GPR158: variants seen among roughly 807,000 people sequenced by gnomAD.
The protein encoded by GPR158 is metabotropic glycine receptor.
GPR158 carries 30 observed loss-of-function variants against 78.2 expected under a neutral mutation model. That is an observed-to-expected ratio of 0.38 (90% confidence interval 0.29 to 0.52). The LOEUF (loss-of-function observed/expected upper bound fraction) is 0.52. GPR158 is among the 20% of genes least tolerant of loss of function. The probability of loss-of-function intolerance (pLI) is 0.83; values close to 1 mark genes in which losing one functional copy is unlikely to be tolerated. For synonymous variants in GPR158, 581 were observed against 591.1 expected (o/e 0.98, Z 0.25); for missense variants, 1,463 against 1,523.5 (o/e 0.96, Z 0.66).
intron 1 of GPR158, among the ~76,000 whole-genome samples, chr10:25,191,133 T>C (rs1355015527): frequency 6.6e-6 from 1 of 152,180 alleles, no homozygotes; most frequent in African/African-American, 2.4e-5. Context: ...AAATAACAAA[T>C]GATATTGAGG....
intron 5 of GPR158, among the ~76,000 whole-genome samples, chr10:25,540,227 T>G (rs1251459151): frequency 3.3e-5 from 5 of 152,046 alleles, no homozygotes; most frequent in African/African-American, 7.3e-5. Context: ...GAAATGCAAA[T>G]CAAAACCACA....
chr10:25,389,367 G>T (rs1227430410), intron 2 of GPR158, among the ~76,000 whole-genome samples: 1 of 152,146 alleles, frequency 6.6e-6, no homozygotes, highest in Non-Finnish European at 1.5e-5. Context: ...ACATCCATTT[G>T]CAGAAAGAAA....
At chr10:25,510,434 C>A (rs1012188365) in intron 5 of GPR158, among the ~76,000 whole-genome samples, 14 of 152,060 alleles carry the variant, frequency 9.2e-5, no homozygotes, top group African/African-American at 3.1e-4. Context: ...TAGCATGATA[C>A]GTAAATGAGT....
intron 4 of GPR158, among the ~76,000 whole-genome samples, chr10:25,433,176 T>C (rs916496701): frequency 2.0e-5 from 3 of 152,344 alleles, no homozygotes; most frequent in South Asian, 2.1e-4. Flanking sequence ...CAGCCCATCA[T>C]ACCTGTTAAC....
At chr10:25,462,414 A>G (rs1242902577) in intron 4 of GPR158, among the ~76,000 whole-genome samples, 2 of 152,236 alleles carry the variant, frequency 1.3e-5, no homozygotes, top group Non-Finnish European at 2.9e-5. Flanking sequence ...TTTCATGCCC[A>G]CTAACACAGC....
intron 5 of GPR158, among the ~76,000 whole-genome samples, chr10:25,487,862 A>G (rs1314833657): frequency 6.6e-6 from 1 of 152,172 alleles, no homozygotes; most frequent in Non-Finnish European, 1.5e-5. Context: ...AGGAAGCTGT[A>G]TACTCCATGA....
At chr10:25,323,183 A>G (rs989292038) in intron 2 of GPR158, among the ~76,000 whole-genome samples, 3 of 152,178 alleles carry the variant, frequency 2.0e-5, no homozygotes, top group African/African-American at 4.8e-5. Flanking sequence ...TAAAATATTC[A>G]GTAAGCCATG....
At chr10:25,419,750 A>G (rs1166747238) in intron 4 of GPR158, among the ~76,000 whole-genome samples, 1 of 152,038 alleles carries the variant, frequency 6.6e-6, no homozygotes, top group Non-Finnish European at 1.5e-5. Context: ...CCATTTTCCT[A>G]ATGATTAGTG....
chr10:25,312,107 G>T (rs994033857), intron 2 of GPR158, among the ~76,000 whole-genome samples: 3 of 151,912 alleles, frequency 2.0e-5, no homozygotes, highest in Non-Finnish European at 4.4e-5. Context: ...GAAAGTTGTG[G>T]ATATTTTCCT....
intron 3 of GPR158, among the ~76,000 whole-genome samples, chr10:25,402,553 TATAGA>T (rs2130537449): frequency 6.6e-6 from 1 of 152,190 alleles, no homozygotes; most frequent in South Asian, 2.1e-4. Context: ...GGTAAAGGGA[TATAGA>T]ATCTCCATCC....
intron 5 of GPR158, among the ~76,000 whole-genome samples, chr10:25,541,706 C>T (rs1248702357): frequency 6.6e-6 from 1 of 151,758 alleles, no homozygotes; most frequent in Non-Finnish European, 1.5e-5. Flanking sequence ...GCTAATGACT[C>T]ATTTCCAGCC....
chr10:25,241,850 A>T (rs1427855417), intron 2 of GPR158, among the ~76,000 whole-genome samples: 1 of 152,208 alleles, frequency 6.6e-6, no homozygotes, highest in Non-Finnish European at 1.5e-5. Flanking sequence ...TTCTCACAGC[A>T]CTAGGATAGT....
intron 6 of GPR158, among the ~76,000 whole-genome samples, chr10:25,557,648 G>A (rs981352135): frequency 1.3e-5 from 2 of 152,100 alleles, no homozygotes; most frequent in East Asian, 1.9e-4. Context: ...TTTCAGAAAC[G>A]AATCAGGGAT....
chr10:25,461,185 T>C (rs1251294489), intron 4 of GPR158, among the ~76,000 whole-genome samples: 2 of 152,154 alleles, frequency 1.3e-5, no homozygotes, highest in Non-Finnish European at 1.5e-5. Flanking sequence ...TATCACTCAC[T>C]TTAAATCAAA....
chr10:25,532,956 A>G (rs745348887), intron 5 of GPR158, among the ~76,000 whole-genome samples: 4 of 150,404 alleles, frequency 2.7e-5, no homozygotes, highest in Non-Finnish European at 5.9e-5. Context: ...AGGTGTTTTC[A>G]TAGCAACAGA....
intron 5 of GPR158, among the ~76,000 whole-genome samples, chr10:25,495,264 T>A (rs1835864412): frequency 6.6e-6 from 1 of 150,744 alleles, no homozygotes; most frequent in Admixed American, 6.6e-5. Context: ...TTGCTATTTT[T>A]GAAATTATTT....
intron 4 of GPR158, among the ~76,000 whole-genome samples, chr10:25,464,391 C>T (rs1835395625): frequency 6.6e-6 from 1 of 152,066 alleles, no homozygotes; most frequent in South Asian, 2.1e-4. Flanking sequence ...ATTTTGGATC[C>T]CAAGCATTAA....
At chr10:25,546,328 G>C (rs188655149) in intron 5 of GPR158, among the ~76,000 whole-genome samples, 33 of 152,242 alleles carry the variant, frequency 2.2e-4, no homozygotes, top group Admixed American at 2.0e-3. Flanking sequence ...GCTGTGTTCA[G>C]TATCCAAAGA....
Position 25,355,036 on chromosome 10 carries a change from T to G in GPR158, c.1009-40875T>G, listed in dbSNP as rs148965327. Reference sequence around the variant, plus strand: ...GATTATTAGATGCCTTGGGGTAGTCTTATTTGGATTAAATCTGTTTGGTGT... The same window carrying G: ...GATTATTAGATGCCTTGGGGTAGTCGTATTTGGATTAAATCTGTTTGGTGT... On this transcript the variant is annotated intron_variant, in intron 2 of 10. Transcript: ENST00000376351. Among the ~76,000 whole-genome samples, 227 of 152,220 alleles carry G rather than the reference T, an allele frequency of 1.5e-3. 5 individuals are homozygous for G. In the East Asian group the frequency reaches 0.041, roughly 27 times the overall value.
Sources: gnomAD v4.1 joint callset for allele counts (sites outside exome capture counted in the v4.1 genomes callset) on GRCh38, gnomAD v4.1.1 for gene constraint, MANE v1.5 for transcripts, NCBI Gene and HGNC (gene_info 2026-07-23, HGNC 2026-07-21) for gene names.